GPC5: variants seen among roughly 807,000 people sequenced by gnomAD.
GPC5 encodes glypican-5.
In GPC5, 47 loss-of-function variants were observed where a neutral mutation model predicts 53.9. The ratio of observed to expected loss-of-function variants is 0.87; its 90% CI spans 0.69 to 1.11. GPC5 has a LOEUF of 1.11. Among genes scored for constraint, GPC5 ranks in the 50% most tolerant of loss-of-function variants. GPC5 has a pLI of 0.00. For synonymous variants in GPC5, 286 were observed against 263.3 expected, an observed-to-expected ratio of 1.09 and a Z score of -0.84; for missense variants, 748 against 713.1, an observed-to-expected ratio of 1.05 and a Z score of -0.56.
At chr13:92,388,574 A>G (rs1874851075) in intron 7 of GPC5, among the ~76,000 whole-genome samples, 1 of 152,098 alleles carries the variant, frequency 6.6e-6, no homozygotes, top group South Asian at 2.1e-4. Flanking sequence ...TGTATTGTTC[A>G]TTGCAATGAG....
intron 7 of GPC5, among the ~76,000 whole-genome samples, chr13:92,394,841 T>G (rs769739932): frequency 2.6e-5 from 4 of 152,234 alleles, no homozygotes; most frequent in Non-Finnish European, 4.4e-5. Context: ...TGTTAGTTTA[T>G]GGATATAATC....
At chr13:92,831,677 C>T (rs529321990) in intron 7 of GPC5, among the ~76,000 whole-genome samples, 2 of 152,224 alleles carry the variant, frequency 1.3e-5, no homozygotes, top group Admixed American at 6.5e-5. Context: ...GATAGAAAAG[C>T]CCACAAAGAT....
At chr13:92,662,676 G>C (rs1886391126) in intron 7 of GPC5, among the ~76,000 whole-genome samples, 1 of 152,116 alleles carries the variant, frequency 6.6e-6, no homozygotes, top group African/African-American at 2.4e-5. Context: ...GAAGTGCCTG[G>C]GAGTTTATTT....
chr13:91,674,483 G>A (rs573976323), intron 2 of GPC5, among the ~76,000 whole-genome samples: 26 of 147,146 alleles, frequency 1.8e-4, no homozygotes, highest in Admixed American at 7.5e-4. Context: ...ACACACACGC[G>A]CATGTGTATA....
chr13:92,812,399 T>A (rs1281996539), intron 7 of GPC5, among the ~76,000 whole-genome samples: 1 of 151,926 alleles, frequency 6.6e-6, no homozygotes, highest in African/African-American at 2.4e-5. Flanking sequence ...TACAATTCAT[T>A]CAATGTAGTA....
intron 6 of GPC5, among the ~76,000 whole-genome samples, chr13:91,920,700 A>C (rs2039702469): frequency 6.6e-6 from 1 of 152,216 alleles, no homozygotes; most frequent in African/African-American, 2.4e-5. Context: ...AATTGATTGC[A>C]TAAAAAAACA....
chr13:92,399,110 A>G (rs1875436024), intron 7 of GPC5, among the ~76,000 whole-genome samples: 2 of 152,136 alleles, frequency 1.3e-5, no homozygotes, highest in Admixed American at 6.6e-5. Context: ...TTCACATTCA[A>G]TATGCTTCAT....
intron 2 of GPC5, among the ~76,000 whole-genome samples, chr13:91,571,797 ATATATACACACACATACGTG>A (rs1566515250): frequency 3.2e-5 from 3 of 93,268 alleles, no homozygotes; most frequent in African/African-American, 1.6e-4. Context: ...ACGTGTGTGT[ATATATACACACACATACGTG>A]TGTGTATATA....
chr13:92,501,693 G>C (rs995100022), intron 7 of GPC5, among the ~76,000 whole-genome samples: 11 of 152,048 alleles, frequency 7.2e-5, no homozygotes, highest in African/African-American at 2.4e-4. Context: ...AGCATCCAGA[G>C]AAAACTGTTT....
At chr13:92,773,285 A>G (rs1476032309) in intron 7 of GPC5, among the ~76,000 whole-genome samples, 1 of 152,170 alleles carries the variant, frequency 6.6e-6, no homozygotes, top group Non-Finnish European at 1.5e-5. Context: ...TAATCTCATA[A>G]TGGCAGGTGG....
At chr13:91,422,104 A>G (rs1218485955) in intron 1 of GPC5, among the ~76,000 whole-genome samples, 1 of 152,204 alleles carries the variant, frequency 6.6e-6, no homozygotes, top group African/African-American at 2.4e-5. Context: ...ACAAAAAACA[A>G]AAACTTAATA....
intron 6 of GPC5, among the ~76,000 whole-genome samples, chr13:91,981,293 T>A (rs1308680888): frequency 4.1e-5 from 1 of 24,200 alleles, no homozygotes; most frequent in Admixed American, 2.8e-4. Flanking sequence ...AGTTCTTACC[T>A]TTTTTTTTTT....
At chr13:92,604,468 C>T (rs1884185748) in intron 7 of GPC5, among the ~76,000 whole-genome samples, 1 of 152,196 alleles carries the variant, frequency 6.6e-6, no homozygotes, top group Non-Finnish European at 1.5e-5. Flanking sequence ...AACTCTCACA[C>T]CTTGCCCTGT....
intron 7 of GPC5, among the ~76,000 whole-genome samples, chr13:92,371,981 G>A (rs1285654446): frequency 2.0e-5 from 3 of 152,186 alleles, no homozygotes; most frequent in African/African-American, 7.2e-5. Context: ...CTCTAGAAGT[G>A]GAGAATGGCC....
chr13:91,683,141 A>G (rs1356130869), intron 2 of GPC5, among the ~76,000 whole-genome samples: 1 of 152,100 alleles, frequency 6.6e-6, no homozygotes. Context: ...ATGAATCTTT[A>G]AAAGAGAGGC....
chr13:91,997,203 T>C (rs886215820), intron 6 of GPC5, among the ~76,000 whole-genome samples: 1 of 152,170 alleles, frequency 6.6e-6, no homozygotes, highest in African/African-American at 2.4e-5. Context: ...TTTTGCCTCC[T>C]ATCTTCACTG....
At chr13:92,424,054 A>G (rs1396220002) in intron 7 of GPC5, among the ~76,000 whole-genome samples, 3 of 152,166 alleles carry the variant, frequency 2.0e-5, no homozygotes, top group Admixed American at 6.6e-5. Flanking sequence ...GAAACCTGAG[A>G]AATTAAAATG....
chr13:91,955,741 C>T (rs1295903107), intron 6 of GPC5, among the ~76,000 whole-genome samples: 1 of 152,198 alleles, frequency 6.6e-6, no homozygotes, highest in Non-Finnish European at 1.5e-5. Flanking sequence ...GCATTCCACA[C>T]TCTCCCTGAA....
intron 2 of GPC5, among the ~76,000 whole-genome samples, chr13:91,553,775 C>A (rs1011326556): frequency 2.0e-5 from 3 of 151,994 alleles, no homozygotes; most frequent in African/African-American, 7.2e-5. Flanking sequence ...AAAAACAATT[C>A]TCTGGAAACT....
Sources: gnomAD v4.1 joint callset for allele counts (sites outside exome capture counted in the v4.1 genomes callset) on GRCh38, gnomAD v4.1.1 for gene constraint, MANE v1.5 for transcripts, NCBI Gene and HGNC (gene_info 2026-07-23, HGNC 2026-07-21) for gene names.